The following ROBO1 variants were observed in gnomAD, a reference collection of about 807,000 sequenced individuals.
The protein encoded by ROBO1 is roundabout homolog 1.
ROBO1 carries 149 observed loss-of-function variants against 195.9 expected under a neutral mutation model. The ratio of observed to expected loss-of-function variants is 0.76; its 90% CI spans 0.67 to 0.87. The LOEUF is 0.87. Among genes scored for constraint, ROBO1 ranks in the 40% least tolerant of loss-of-function variants. The probability of loss-of-function intolerance (pLI) is 0.00; values close to 1 mark genes in which losing one functional copy is unlikely to be tolerated. For missense variants in ROBO1, 1,933 were observed against 2,068.3 expected, an observed-to-expected ratio of 0.93 and a Z score of 1.27; for synonymous variants, 816 against 733.2, an observed-to-expected ratio of 1.11 and a Z score of -1.82.
chr3:78,888,519 G>T (rs1368996880), intron 4 of ROBO1, among the ~76,000 whole-genome samples: 1 of 152,150 alleles, frequency 6.6e-6, no homozygotes, highest in East Asian at 1.9e-4. Flanking sequence ...AATACACACA[G>T]ACACACATAT....
intron 3 of ROBO1, among the ~76,000 whole-genome samples, chr3:79,074,497 T>C (rs1410784897): frequency 2.0e-5 from 3 of 151,862 alleles, no homozygotes; most frequent in Admixed American, 6.6e-5. Flanking sequence ...TAGCTCACTG[T>C]AGCCTTGACC....
chr3:79,677,649 A>C (rs1301683774), intron 1 of ROBO1, among the ~76,000 whole-genome samples: 1 of 152,098 alleles, frequency 6.6e-6, no homozygotes, highest in Non-Finnish European at 1.5e-5. Context: ...GGGCGAAACC[A>C]TATCAGCATG....
At chr3:79,698,123 A>T (rs962169163) in intron 1 of ROBO1, among the ~76,000 whole-genome samples, 22 of 151,626 alleles carry the variant, frequency 1.5e-4, no homozygotes, top group African/African-American at 5.3e-4. Flanking sequence ...TTTCTCAGTG[A>T]TATACTAGGC....
At chr3:79,685,043 C>G (rs1337097647) in intron 1 of ROBO1, among the ~76,000 whole-genome samples, 1 of 152,026 alleles carries the variant, frequency 6.6e-6, no homozygotes, top group Non-Finnish European at 1.5e-5. Context: ...CATTGTTGCT[C>G]TTTTTTATTG....
chr3:78,704,453 A>G (rs2081498456), intron 8 of ROBO1, among the ~76,000 whole-genome samples: 2 of 152,254 alleles, frequency 1.3e-5, no homozygotes, highest in Non-Finnish European at 2.9e-5. Context: ...TCTTTCCTCC[A>G]GAGGTGTTTT....
chr3:78,600,803 A>G (rs905156431), intron 29 of ROBO1, among the ~76,000 whole-genome samples: 1 of 152,184 alleles, frequency 6.6e-6, no homozygotes, highest in Non-Finnish European at 1.5e-5. Flanking sequence ...TATCTACATA[A>G]CTTATAAAAT....
chr3:79,112,425 A>C (rs2079903357), intron 3 of ROBO1, among the ~76,000 whole-genome samples: 1 of 152,178 alleles, frequency 6.6e-6, no homozygotes, highest in Non-Finnish European at 1.5e-5. Context: ...AGGAGGGATG[A>C]CAGGGTCATG....
At chr3:79,404,147 T>C (rs1003938516) in intron 2 of ROBO1, among the ~76,000 whole-genome samples, 2 of 152,182 alleles carry the variant, frequency 1.3e-5, no homozygotes, top group Admixed American at 6.6e-5. Context: ...TTCAGCTGTT[T>C]TCTTAAGCAT....
chr3:79,085,451 G>A (rs1404447368), intron 3 of ROBO1, among the ~76,000 whole-genome samples: 1 of 152,150 alleles, frequency 6.6e-6, no homozygotes, highest in African/African-American at 2.4e-5. Context: ...TTGACTTCAT[G>A]AAAGAGACCT....
intron 2 of ROBO1, among the ~76,000 whole-genome samples, chr3:79,543,854 T>C (rs1942166205): frequency 1.3e-5 from 2 of 152,114 alleles, no homozygotes; most frequent in Non-Finnish European, 2.9e-5. Flanking sequence ...CTTATGTGTA[T>C]GCAAATGTGT....
chr3:79,643,843 TGACA>T (rs1945738360), intron 1 of ROBO1, among the ~76,000 whole-genome samples: 1 of 152,076 alleles, frequency 6.6e-6, no homozygotes, highest in African/African-American at 2.4e-5. Flanking sequence ...GCACAAAAGA[TGACA>T]GAAGTAAGTC....
chr3:79,300,254 C>T (rs941844363), intron 2 of ROBO1, among the ~76,000 whole-genome samples: 10 of 152,310 alleles, frequency 6.6e-5, no homozygotes, highest in South Asian at 2.1e-4. Flanking sequence ...CTGCGCTCGG[C>T]GCTTGCGGGC....
chr3:78,627,241 C>T (rs11713043), intron 26 of ROBO1, 80 bp downstream of exon 26: 97,644 of 1,457,756 alleles, frequency 0.067, 3,993 homozygotes, highest in Admixed American at 0.15. Context: ...AAAATTACTT[C>T]GTGGGATAGC....
At chr3:78,755,508 A>G (rs1206504379) in intron 4 of ROBO1, among the ~76,000 whole-genome samples, 1 of 151,982 alleles carries the variant, frequency 6.6e-6, no homozygotes. Flanking sequence ...AAGTATAGAG[A>G]CCAATTAGAA....
At chr3:79,029,310 C>T (rs957214909) in intron 3 of ROBO1, among the ~76,000 whole-genome samples, 10 of 151,956 alleles carry the variant, frequency 6.6e-5, no homozygotes, top group Non-Finnish European at 1.0e-4. Context: ...AAAAAGTCAT[C>T]ATCTCTTATG....
intron 2 of ROBO1, among the ~76,000 whole-genome samples, chr3:79,584,610 AGTGTGTGTGTGTGTGT>A (rs143360306): frequency 7.6e-6 from 1 of 131,698 alleles, no homozygotes; most frequent in African/African-American, 3.1e-5. Flanking sequence ...TAGGTGGGTG[AGTGTGTGTGTGTGTGT>A]GTGTGTGTGT....
chr3:78,987,605 G>A (rs2077139824), intron 3 of ROBO1, among the ~76,000 whole-genome samples: 1 of 152,016 alleles, frequency 6.6e-6, no homozygotes, highest in South Asian at 2.1e-4. Context: ...AGGTCCTTGA[G>A]GTAAAAGCCA....
At chr3:79,548,108 G>A (rs1358558406) in intron 2 of ROBO1, among the ~76,000 whole-genome samples, 2 of 152,156 alleles carry the variant, frequency 1.3e-5, no homozygotes, top group African/African-American at 4.8e-5. Context: ...AATGCAGAAA[G>A]TGTGGCCAGC....
chr3:79,166,753 G>A (rs1476195243), intron 2 of ROBO1, among the ~76,000 whole-genome samples: 1 of 151,834 alleles, frequency 6.6e-6, no homozygotes, highest in East Asian at 1.9e-4. Context: ...ATTTTTAGTA[G>A]AGACGGGGTT....
Sources: gnomAD v4.1 joint callset for allele counts (sites outside exome capture counted in the v4.1 genomes callset) on GRCh38, gnomAD v4.1.1 for gene constraint, MANE v1.5 for transcripts, NCBI Gene and HGNC (gene_info 2026-07-23, HGNC 2026-07-21) for gene names.